The following APLP1 variants were observed in gnomAD, a reference collection of about 807,000 sequenced individuals.
APLP1 encodes amyloid beta precursor like protein 1, also known as amyloid beta (A4) precursor-like protein 1.
Under a neutral mutation model 84.5 loss-of-function variants are expected in APLP1, and 46 were observed. That is an observed-to-expected ratio of 0.54 (90% CI 0.43 to 0.70). The LOEUF (loss-of-function observed/expected upper bound fraction) is 0.70, where lower values mean the gene tolerates loss of function less well. Ranked by LOEUF, APLP1 falls within the 30% of genes least tolerant of loss-of-function variation. APLP1 has a pLI of 0.00. For missense variants in APLP1, 826 were observed against 900.2 expected, an observed-to-expected ratio of 0.92 and a Z score of 1.05; for synonymous variants, 376 against 364.0, an observed-to-expected ratio of 1.03 and a Z score of -0.38.
rs1167620400 is a variant in APLP1 at position 35,873,234 on chromosome 19, G to T, written c.982-405G>T. Reference sequence around the variant, plus strand: ...AGCCAGCGAGACTTAAGGGATCTGGGGCCTTTAAATCTTTTTTTTTTTTTT... The same window carrying T: ...AGCCAGCGAGACTTAAGGGATCTGGTGCCTTTAAATCTTTTTTTTTTTTTT... On this transcript the variant is annotated intron_variant, in intron 7 of 16. Transcript: ENST00000221891. Among the ~76,000 whole-genome samples the T allele has an allele frequency of 2.1e-4, 32 of 151,200 alleles. 1 individual carries two copies. Among genetic ancestry groups the T allele is most frequent in the Admixed American group, 2.1e-3 (32 of 15,194 alleles).
At chr19:35,871,381 C>T in intron 4 of APLP1, 32 bp downstream of exon 4, 1 of 1,569,566 alleles carries the variant, frequency 6.4e-7, no homozygotes, top group Non-Finnish European at 8.7e-7. Context: ...TCCCCAGCCC[C>T]CACAACCCAG....
intron 1 of APLP1, 84 bp from the exon 2 acceptor site, chr19:35,869,583 G>C: frequency 6.5e-7 from 1 of 1,544,784 alleles, no homozygotes; most frequent in Middle Eastern, 1.7e-4. Context: ...GGTGCTGGGG[G>C]TCTCGGTCCT....
At chr19:35,872,683 G>T (rs926259054) in intron 7 of APLP1, 70 bp downstream of exon 7, 2 of 1,528,404 alleles carry the variant, frequency 1.3e-6, no homozygotes. Context: ...ATTCCTCCAG[G>T]ACACATTGAT....
rs936680771 is a variant in APLP1 at position 35,874,076 on chromosome 19, C to T, written c.1056+363C>T. Among the ~76,000 whole-genome samples, 2 of 152,140 alleles carry T rather than the reference C, an allele frequency of 1.3e-5. No homozygotes were observed. The highest frequency in any genetic ancestry group is 4.8e-5 in the African/African-American group (2 of 41,420). ...GCCCCCTGATTCTGGCTCTGCTGGG[C>T]CAATCTCACCTTTATTAACCTGACC... On this transcript the variant is annotated intron_variant, in intron 8 of 16. Transcript: ENST00000221891. This position sits in a 1 kb window ranked among gnomAD's most constrained non-coding sequence, Gnocchi z 6.4.
At position 35,874,901 on chromosome 19, in the gene APLP1, C is replaced by G; in HGVS notation, c.1344+32C>G. 6.3e-7 allele frequency: 1 copy of G among 1,598,792 alleles called. No individual in the cohort carries two copies. Among genetic ancestry groups the G allele is most frequent in the African/African-American group, 1.3e-5 (1 of 74,932 alleles). The stretch of plus-strand genomic sequence containing the variant: ...ACATCCTTCCAGCTCCCAAATGCGC[C>G]GCTATTCCTCAGACGCCCGCGCCTC... On this transcript the variant is annotated intron_variant, in intron 10 of 16. Transcript: ENST00000221891. This position sits in a 1 kb window ranked among gnomAD's most constrained non-coding sequence, Gnocchi z 6.4.
chr19:35,876,070 C>T (rs1427458454), intron 10 of APLP1, among the ~76,000 whole-genome samples: 4 of 152,254 alleles, frequency 2.6e-5, no homozygotes, highest in East Asian at 3.8e-4. Context: ...CCACCGCGCC[C>T]GGTCGAGAAT....
chr19:35,873,635 G>A lies in APLP1; in HGVS notation c.982-4G>A, dbSNP rs1974212126. 1 of 1,614,116 alleles carries A rather than the reference G, an allele frequency of 6.2e-7. No individual in the cohort carries two copies. Among genetic ancestry groups the A allele is most frequent in the Non-Finnish European group, 8.5e-7 (1 of 1,179,994 alleles). ...GGGATCCTGAAGCTCCCCTCCCTAT[G>A]CAGGTGATGCGTGAATGGGCCATGG... On this transcript the variant is annotated splice_polypyrimidine_tract_variant and splice_region_variant and intron_variant, in intron 7 of 16. Coordinates refer to ENST00000221891, the MANE Select transcript of APLP1 (RefSeq NM_001024807.3).
chr19:35,879,085 G>A lies in APLP1; in HGVS notation c.1725G>A (p.Gly575=), dbSNP rs1385019906. 1 of 1,612,220 alleles carries A rather than the reference G, an allele frequency of 6.2e-7. No homozygotes were observed. Among genetic ancestry groups the A allele is most frequent in the Non-Finnish European group, 8.5e-7 (1 of 1,179,988 alleles). ...EIQRDELAPA[G]TGVSREAVSG... is the part of the protein sequence containing the mutation. ...TCCTCTCCCTGCAGGCACCAGCTGG[G>A]ACAGGGGTGTCCCGTGAGGCTGTGT... The change falls in exon 16 of 17, where the codon GGG becomes GGA. Residue 575 remains glycine (G), a synonymous_variant. Coordinates refer to ENST00000221891, the MANE Select transcript of APLP1 (RefSeq NM_001024807.3).
At chr19:35,872,339 C>T in intron 6 of APLP1, 144 bp from the exon 7 acceptor site, 1 of 1,157,806 alleles carries the variant, frequency 8.6e-7, no homozygotes, top group South Asian at 1.5e-5. Context: ...TCCAGAACTA[C>T]ATCTCCCATA....
Position 35,879,780 on chromosome 19 carries a change from C to T in APLP1, c.*339C>T. On this transcript the variant is annotated 3_prime_UTR_variant, in exon 17 of 17. Transcript: ENST00000221891. ...TCCCTACTAACATCCCAATAAAGTC[C>T]TCTTCCCTACCAGGCCAGTCTGAGT... The T allele has an allele frequency of 3.8e-6, 1 of 260,682 alleles. No homozygotes were observed. Among genetic ancestry groups the T allele is most frequent in the Non-Finnish European group, 7.3e-6 (1 of 136,870 alleles). 16.1% of individuals were successfully genotyped at this position (260,682 alleles called of 1,614,324 possible). A position where few individuals can be genotyped will look rare whatever the true frequency, so the allele number is the denominator to read the frequency against.
At position 35,872,000 on chromosome 19, in the gene APLP1, C is replaced by T. The variant is rs372531049; in HGVS notation, c.814C>T (p.Pro272Ser). 1.1e-4 allele frequency: 174 copies of T among 1,613,922 alleles called. No individual in the cohort carries two copies. The highest frequency in any genetic ancestry group is 1.4e-4 in the Non-Finnish European group (168 of 1,179,980). Residue 272 changes from proline (P) to serine (S), a missense_variant, in exon 6 of 17, where the codon CCC (proline) becomes TCC (serine). Pro to Ser is a moderately conservative substitution (Grantham distance 74, BLOSUM62 -1). Transcript: ENST00000221891. ...QAEEEEETVP[P>S]PSSHTLAVVG... Reference sequence around the variant, plus strand: ...TGAAGAGGAAGAGGAAACGGTCCCACCCCCAAGCTCCCATACACTTGCAGT... The same window carrying T: ...TGAAGAGGAAGAGGAAACGGTCCCATCCCCAAGCTCCCATACACTTGCAGT...
rs1015597541 is a variant in APLP1, at chr19:35,878,816, C to T, written c.1651-74C>T. 43 of 1,575,262 alleles carry T rather than the reference C, an allele frequency of 2.7e-5. 1 individual carries two copies. In the South Asian group the frequency reaches 3.0e-4, roughly 11 times the overall value. ...CCTAGAAAATGAGAGGGCTGGGGGA[C>T]GCTCTCTTGGGCCCTTGGGTAGGAA... On this transcript the variant is annotated intron_variant, in intron 14 of 16. Coordinates refer to ENST00000221891, the MANE Select transcript of APLP1 (RefSeq NM_001024807.3).
intron 1 of APLP1, 86 bp from the exon 2 acceptor site, chr19:35,869,581 G>C (rs1219846463): frequency 2.6e-6 from 4 of 1,539,466 alleles, no homozygotes; most frequent in East Asian, 2.3e-5. Flanking sequence ...CTGGTGCTGG[G>C]GGTCTCGGTC....
Position 35,869,649 on chromosome 19 carries a change from C to G in APLP1, c.148-18C>G. On this transcript the variant is annotated intron_variant, in intron 1 of 16. Coordinates refer to ENST00000221891, the MANE Select transcript of APLP1 (RefSeq NM_001024807.3). Reference sequence around the variant, plus strand: ...CAACGCCCCCCGAGCCCTCACTGTCCTTTCCACTTCCATCCAGGCCCCGGG... The same window carrying G: ...CAACGCCCCCCGAGCCCTCACTGTCGTTTCCACTTCCATCCAGGCCCCGGG... 6.2e-7 allele frequency: 1 copy of G among 1,610,646 alleles called. No individual in the cohort carries two copies. The highest frequency in any genetic ancestry group is 8.5e-7 in the Non-Finnish European group (1 of 1,178,510).
In APLP1 at chr19:35,870,985, C is replaced by T. The variant is rs1257767831; in HGVS notation, c.381C>T (p.Ser127=). 8 of 1,561,170 alleles carry T rather than the reference C, an allele frequency of 5.1e-6. No individual in the cohort carries two copies. The Admixed American group carries it at 7.8e-5, about 15-fold the overall frequency. ...ERWCGGSRSG[S]CAHPHHQVVP... ...GGTGCGGGGGTTCCCGGAGCGGCAG[C>T]TGCGCCCACCCCCACCACCAGGTTG... is the stretch of plus-strand genomic sequence containing the variant. The change falls in exon 3 of 17, where the codon AGC becomes AGT. Residue 127 remains serine (S), a synonymous_variant. Transcript: ENST00000221891.
At chr19:35,873,918 T>G (rs1156898401) in intron 8 of APLP1, among the ~76,000 whole-genome samples, 1 of 152,206 alleles carries the variant, frequency 6.6e-6, no homozygotes, top group Non-Finnish European at 1.5e-5. Flanking sequence ...ATTGGCCATA[T>G]TCGGCCCCAT....
At chr19:35,876,650 T>A (rs375513554) in intron 11 of APLP1, 34 bp downstream of exon 11, 40 of 1,539,922 alleles carry the variant, frequency 2.6e-5, no homozygotes, top group Non-Finnish European at 3.2e-5. Flanking sequence ...CCATTACAGA[T>A]CTCTGAGGGC....
Position 35,874,659 on chromosome 19 carries a change from T to C in APLP1, c.1212T>C (p.Pro404=). The C allele has an allele frequency of 1.9e-6, 3 of 1,613,564 alleles. No homozygotes were observed. The highest frequency in any genetic ancestry group is 2.5e-6 in the Non-Finnish European group (3 of 1,179,926). Reference sequence around the variant, plus strand: ...TGGCAGCCCTGCAGGCAGATCCGCCTCAGGTGCGGGGACCGTGGGGGCAGA... The same window carrying C: ...TGGCAGCCCTGCAGGCAGATCCGCCCCAGGTGCGGGGACCGTGGGGGCAGA... The part of the protein sequence containing the change: ...GFLAALQADP[P]QAERVLLALR... Residue 404 remains proline (P), a synonymous_variant, in exon 9 of 17, where the codon CCT becomes CCC. Transcript: ENST00000221891. This position sits in a 1 kb window ranked among gnomAD's most constrained non-coding sequence, Gnocchi z 6.4.
chr19:35,874,114 AC>A lies in APLP1; in HGVS notation c.1057-386del, dbSNP rs1355006461. Among the ~76,000 whole-genome samples, 3 of 151,516 alleles carry A rather than the reference AC, an allele frequency of 2.0e-5. No individual in the cohort carries two copies. Among genetic ancestry groups the A allele is most frequent in the African/African-American group, 7.3e-5 (3 of 41,192 alleles). ...TATTAACCTGACCTACCCCATGGAG[AC>A]CCCACTCATGTTAGCCCCCATTCCA... is the stretch of plus-strand genomic sequence containing the variant. On this transcript the variant is annotated intron_variant, in intron 8 of 16. Coordinates refer to ENST00000221891, the MANE Select transcript of APLP1 (RefSeq NM_001024807.3). The surrounding 1 kb of genome is among the most constrained non-coding windows in gnomAD (Gnocchi z 6.4).
Sources: gnomAD v4.1 joint callset for allele counts (sites outside exome capture counted in the v4.1 genomes callset) on GRCh38, gnomAD v4.1.1 for gene constraint, Gnocchi (gnomAD v3.1) non-coding constraint, MANE v1.5 for transcripts, NCBI Gene and HGNC (gene_info 2026-07-23, HGNC 2026-07-21) for gene names.